FAM193A: variants seen among roughly 807,000 people sequenced by gnomAD.
FAM193A encodes protein FAM193A.
A neutral mutation model predicts 126.5 loss-of-function variants in FAM193A; 22 were observed. That is an observed-to-expected ratio of 0.17 (90% CI 0.12 to 0.25). The LOEUF (loss-of-function observed/expected upper bound fraction) is 0.25. Ranked by LOEUF, FAM193A falls within the 10% of genes least tolerant of loss-of-function variation. FAM193A has a pLI of 1.00. For synonymous variants in FAM193A, 761 were observed against 646.8 expected, an observed-to-expected ratio of 1.18 and a Z score of -2.68; for missense variants, 1,675 against 1,672.8, an observed-to-expected ratio of 1.00 and a Z score of -0.02.
rs1719495502 is a variant in FAM193A, at chr4:2,716,023, A to G, written c.4373A>G (p.Asp1458Gly). The change falls in exon 20 of 21, where the codon GAT (aspartate) becomes GGT (glycine). Residue 1458 changes from aspartate (D) to glycine (G), a missense_variant and splice_region_variant. Physicochemically the swap from Asp to Gly is moderately conservative, Grantham distance 94. Around this residue, in one of 4 missense-constraint regions of FAM193A, gnomAD observed 415 missense variants for 396.7 expected, o/e 1.05. Coordinates refer to ENST00000637812, the MANE Select transcript of FAM193A (RefSeq NM_001366318.2). ...TTGCTGCTTCTCTTTTGTTTTACAG[A>G]TGATGTCTTTCTACCTAAAGATATT... is the stretch of plus-strand genomic sequence containing the variant. ...KKGDRVNNSI[D>G]DVFLPKDIDL... is the part of the protein sequence containing the mutation. The G allele has an allele frequency of 6.4e-7, 1 of 1,563,428 alleles. No homozygotes were observed.
rs111507925 is a variant in FAM193A, at chr4:2,724,110, T to C, written c.4455-7665T>C. ...CTTATTAATACTACATGAAATCTTA[T>C]TGAAAAGAGAAAACCAGTTGCATCA... On this transcript the variant is annotated intron_variant, in intron 20 of 20. Coordinates refer to ENST00000637812, the MANE Select transcript of FAM193A (RefSeq NM_001366318.2). Among the ~76,000 whole-genome samples, 31 of 152,302 alleles carry C rather than the reference T, an allele frequency of 2.0e-4. 3 individuals carry two copies. The highest frequency in any genetic ancestry group is 7.0e-4 in the African/African-American group (29 of 41,570).
chr4:2,590,484 AAC>A lies in FAM193A; in HGVS notation c.256-5598_256-5597del, dbSNP rs1312466295. Among the ~76,000 whole-genome samples the A allele has an allele frequency of 1.7e-3, 151 of 87,006 alleles. 24 individuals carry two copies. The highest frequency in any genetic ancestry group is 5.6e-3 in the East Asian group (20 of 3,568). 57.1% of individuals were successfully genotyped at this position (87,006 alleles called of 152,430 possible). A position where few individuals can be genotyped will look rare whatever the true frequency, so the allele number is the denominator to read the frequency against. ...ATCTCAAAAAAAAAAAACAAAAAAA[AAC>A]AAAAAAAAACAAAAAAAAACAAAAA... On this transcript the variant is annotated intron_variant, in intron 1 of 20. Transcript: ENST00000637812.
chr4:2,639,637 G>T, intron 5 of FAM193A, 98 bp from the exon 6 acceptor site: 1 of 893,492 alleles, frequency 1.1e-6, no homozygotes, highest in East Asian at 2.9e-5. Context: ...GTGCGTGGTG[G>T]GGGGAAATGG....
intron 3 of FAM193A, among the ~76,000 whole-genome samples, chr4:2,625,888 T>A (rs2108978910): frequency 6.6e-6 from 1 of 152,164 alleles, no homozygotes; most frequent in African/African-American, 2.4e-5. Context: ...CATGTCGGGC[T>A]AATTTTTGTA....
At chr4:2,609,274 G>T (rs1183583674) in intron 2 of FAM193A, among the ~76,000 whole-genome samples, 1 of 152,058 alleles carries the variant, frequency 6.6e-6, no homozygotes, top group East Asian at 1.9e-4. Context: ...ATATTATGTT[G>T]CATTTTAACA....
chr4:2,650,607 G>T (rs1560522203), intron 7 of FAM193A, among the ~76,000 whole-genome samples: 1 of 152,192 alleles, frequency 6.6e-6, no homozygotes, highest in Non-Finnish European at 1.5e-5. Context: ...AAGACTCCCA[G>T]AGAGGCTGCT....
At chr4:2,575,669 G>A (rs1739544151) in intron 1 of FAM193A, among the ~76,000 whole-genome samples, 2 of 152,040 alleles carry the variant, frequency 1.3e-5, no homozygotes, top group Non-Finnish European at 2.9e-5. Flanking sequence ...GATTCACCAT[G>A]TTGGCCAGGC....
chr4:2,700,201 C>G lies in FAM193A; in HGVS notation c.4029C>G (p.Thr1343=), dbSNP rs1471509533. The change falls in exon 19 of 21, where the codon ACC becomes ACG. Residue 1343 remains threonine, a synonymous_variant. Transcript: ENST00000637812. ...ATGGCAAGCAGAAGCTGAGGCAGAC[C>G]AGCAAGGCCAGCAGCGAGCCAGCGA... is the stretch of plus-strand genomic sequence containing the variant. ...EGNGKQKLRQ[T]SKASSEPARR... 6.2e-7 allele frequency: 1 copy of G among 1,613,868 alleles called. No individual in the cohort carries two copies. The highest frequency in any genetic ancestry group is 1.3e-5 in the African/African-American group (1 of 74,982).
intron 7 of FAM193A, among the ~76,000 whole-genome samples, chr4:2,650,129 T>G (rs1035276644): frequency 2.0e-5 from 3 of 152,186 alleles, no homozygotes; most frequent in African/African-American, 7.2e-5. Flanking sequence ...GTTGTATAAT[T>G]ATTTCATTCT....
At chr4:2,712,343 T>G (rs1446790443) in intron 19 of FAM193A, among the ~76,000 whole-genome samples, 1 of 152,230 alleles carries the variant, frequency 6.6e-6, no homozygotes, top group African/African-American at 2.4e-5. Flanking sequence ...TTAATATGTT[T>G]CTGTGTTTTC....
chr4:2,670,205 G>A (rs1713630471), intron 12 of FAM193A, among the ~76,000 whole-genome samples: 1 of 152,052 alleles, frequency 6.6e-6, no homozygotes, highest in Non-Finnish European at 1.5e-5. Flanking sequence ...GCCATTTTAA[G>A]TTTGCTTTTG....
intron 1 of FAM193A, among the ~76,000 whole-genome samples, chr4:2,591,413 G>C (rs1338524535): frequency 1.3e-5 from 2 of 152,098 alleles, no homozygotes; most frequent in Non-Finnish European, 2.9e-5. Flanking sequence ...AGAATGTTCT[G>C]GTCATAGGTA....
intron 3 of FAM193A, among the ~76,000 whole-genome samples, chr4:2,625,738 T>G (rs1327977650): frequency 6.8e-6 from 1 of 147,420 alleles, no homozygotes; most frequent in East Asian, 2.0e-4. Flanking sequence ...TTTTTTTTTT[T>G]TTTTTTGAGA....
intron 20 of FAM193A, among the ~76,000 whole-genome samples, chr4:2,727,790 T>G (rs968416103): frequency 6.6e-5 from 10 of 152,124 alleles, no homozygotes; most frequent in African/African-American, 2.2e-4. Flanking sequence ...ATGGTGCCAG[T>G]GGGGCAGAGG....
At chr4:2,561,356 A>G (rs1029564931) in intron 1 of FAM193A, among the ~76,000 whole-genome samples, 2 of 151,090 alleles carry the variant, frequency 1.3e-5, no homozygotes, top group African/African-American at 4.9e-5. Context: ...TAATTTTTAT[A>G]TTTTTTGGTA....
At chr4:2,666,944 G>A (rs1184864250) in intron 12 of FAM193A, among the ~76,000 whole-genome samples, 1 of 152,144 alleles carries the variant, frequency 6.6e-6, no homozygotes, top group Middle Eastern at 3.2e-3. Flanking sequence ...TGTGTCATTG[G>A]TTTCCATTCT....
intron 20 of FAM193A, among the ~76,000 whole-genome samples, chr4:2,723,300 C>G (rs1667886018): frequency 7.1e-6 from 1 of 141,484 alleles, no homozygotes; most frequent in South Asian, 2.3e-4. Context: ...TCCTTTAGGC[C>G]AGGCACGGTG....
In FAM193A at chr4:2,695,145, CAGCGCATCATGATGT is replaced by C. The variant is rs1716890158; in HGVS notation, c.3276+17_3276+31del. 6.4e-7 allele frequency: 1 copy of C among 1,567,090 alleles called. No homozygotes were observed. The highest frequency in any genetic ancestry group is 8.6e-7 in the Non-Finnish European group (1 of 1,156,320). Reference sequence around the variant, plus strand: ...GCACGGCGGGGTGAGTGCATGAGGTCAGCGCATCATGATGTGGGAAGTGTGCAACACACGGGCTCC... The same window carrying C: ...GCACGGCGGGGTGAGTGCATGAGGTCGGGAAGTGTGCAACACACGGGCTCC... On this transcript the variant is annotated intron_variant, in intron 17 of 20. Transcript: ENST00000637812.
At chr4:2,542,872 C>T (rs1305109596) in intron 1 of FAM193A, among the ~76,000 whole-genome samples, 1 of 152,156 alleles carries the variant, frequency 6.6e-6, no homozygotes, top group East Asian at 1.9e-4. Flanking sequence ...ATACCCAGGA[C>T]CACCTTCATC....
Sources: gnomAD v4.1 joint callset for allele counts (sites outside exome capture counted in the v4.1 genomes callset) on GRCh38, gnomAD v4.1.1 for gene constraint, gnomAD v4.1.1 regional missense constraint, MANE v1.5 for transcripts, NCBI Gene and HGNC (gene_info 2026-07-23, HGNC 2026-07-21) for gene names.